CTNNA3: variants seen among roughly 807,000 people sequenced by gnomAD.
CTNNA3 encodes the protein catenin alpha 3.
Under a neutral mutation model 95.7 loss-of-function variants are expected in CTNNA3, and 76 were observed. The ratio of observed to expected loss-of-function variants is 0.79; its 90% CI spans 0.66 to 0.96. The LOEUF is 0.96. Ranked by LOEUF, CTNNA3 falls within the 40% of genes least tolerant of loss-of-function variation. CTNNA3 has a pLI of 0.00. For missense variants in CTNNA3, 1,191 were observed against 1,089.8 expected, an observed-to-expected ratio of 1.09 and a Z score of -1.31; for synonymous variants, 431 against 374.4, an observed-to-expected ratio of 1.15 and a Z score of -1.74.
At chr10:66,825,867 T>C (rs1263008892) in intron 7 of CTNNA3, among the ~76,000 whole-genome samples, 1 of 152,162 alleles carries the variant, frequency 6.6e-6, no homozygotes, top group Non-Finnish European at 1.5e-5. Flanking sequence ...CCAGATTGAA[T>C]TCAAGCTCCC....
At chr10:67,736,846 G>A (rs1390886118) in intron 1 of CTNNA3, among the ~76,000 whole-genome samples, 1 of 152,086 alleles carries the variant, frequency 6.6e-6, no homozygotes, top group Non-Finnish European at 1.5e-5. Flanking sequence ...AACTGCTACA[G>A]AATACACATT....
At chr10:66,259,739 A>G (rs1330457203) in intron 13 of CTNNA3, among the ~76,000 whole-genome samples, 2 of 152,134 alleles carry the variant, frequency 1.3e-5, no homozygotes, top group South Asian at 2.1e-4. Context: ...GTGCCTCACT[A>G]TATTGACTAT....
chr10:67,649,258 A>T (rs1481563256), intron 1 of CTNNA3, among the ~76,000 whole-genome samples: 1 of 152,240 alleles, frequency 6.6e-6, no homozygotes, highest in Admixed American at 6.5e-5. Context: ...GCCTTTAAAA[A>T]CATGTCATTT....
intron 16 of CTNNA3, among the ~76,000 whole-genome samples, chr10:65,985,585 G>T (rs1256703150): frequency 6.6e-6 from 1 of 150,916 alleles, no homozygotes; most frequent in African/African-American, 2.4e-5. Context: ...ACTTTTCTTT[G>T]AATTTTAAAT....
At chr10:65,957,697 T>C (rs1025941470) in intron 17 of CTNNA3, among the ~76,000 whole-genome samples, 8 of 152,212 alleles carry the variant, frequency 5.3e-5, no homozygotes, top group African/African-American at 1.9e-4. Flanking sequence ...TTCTTTTCTT[T>C]AAGAATGTTG....
intron 7 of CTNNA3, among the ~76,000 whole-genome samples, chr10:67,012,103 C>G (rs1852375274): frequency 6.6e-6 from 1 of 152,226 alleles, no homozygotes; most frequent in African/African-American, 2.4e-5. Flanking sequence ...AAACACAACT[C>G]TCTCTGGCTC....
chr10:67,705,640 AG>A (rs755025152), intron 1 of CTNNA3, among the ~76,000 whole-genome samples: 24 of 71,534 alleles, frequency 3.4e-4, no homozygotes, highest in Non-Finnish European at 5.4e-4. Flanking sequence ...GGGTGGGGGG[AG>A]GGGGGAGGGA....
At chr10:67,533,639 C>G (rs1840404544) in intron 4 of CTNNA3, among the ~76,000 whole-genome samples, 1 of 152,126 alleles carries the variant, frequency 6.6e-6, no homozygotes, top group Non-Finnish European at 1.5e-5. Context: ...AGTGCCATGT[C>G]AGGAATCCTT....
At chr10:67,457,139 T>TGTC (rs1429883223) in intron 5 of CTNNA3, among the ~76,000 whole-genome samples, 14 of 152,290 alleles carry the variant, frequency 9.2e-5, no homozygotes, top group African/African-American at 3.4e-4. Flanking sequence ...TTCCACTAAC[T>TGTC]GTCAGCAGCA....
chr10:66,554,050 G>A (rs1400595382), intron 10 of CTNNA3, among the ~76,000 whole-genome samples: 1 of 151,650 alleles, frequency 6.6e-6, no homozygotes, highest in African/African-American at 2.4e-5. Context: ...TTTTTCTTCT[G>A]TCTGAAAACA....
At chr10:66,135,644 C>G (rs564160502) in intron 13 of CTNNA3, among the ~76,000 whole-genome samples, 1 of 152,248 alleles carries the variant, frequency 6.6e-6, no homozygotes, top group Middle Eastern at 3.4e-3. Context: ...TGTTGAACAA[C>G]AAGGATGTTA....
chr10:67,517,722 C>G (rs1839867308), intron 5 of CTNNA3, among the ~76,000 whole-genome samples: 1 of 152,056 alleles, frequency 6.6e-6, no homozygotes, highest in Non-Finnish European at 1.5e-5. Flanking sequence ...GAGATATCAC[C>G]TTAGAAACAT....
rs116796484 is a variant in CTNNA3, at chr10:66,494,725, T to C, written c.1531+25892A>G. Among the ~76,000 whole-genome samples, 905 of 152,298 alleles carry C rather than the reference T, an allele frequency of 5.9e-3. 11 individuals carry two copies. Among genetic ancestry groups the C allele is most frequent in the African/African-American group, 0.021 (862 of 41,576 alleles). On this transcript the variant is annotated intron_variant, in intron 11 of 17. Transcript: ENST00000433211. ...ACAGAATGGAAAAGGGATCAAGCCA[T>C]TTATTTTTAAATAATTTTGATTTAG...
At chr10:66,229,030 G>C (rs1454352979) in intron 13 of CTNNA3, among the ~76,000 whole-genome samples, 1 of 152,084 alleles carries the variant, frequency 6.6e-6, no homozygotes, top group Admixed American at 6.6e-5. Context: ...TGTATTTCCA[G>C]GTAAAGTGAG....
chr10:67,080,327 G>T (rs1385131639), intron 7 of CTNNA3, among the ~76,000 whole-genome samples: 2 of 152,166 alleles, frequency 1.3e-5, no homozygotes, highest in African/African-American at 2.4e-5. Context: ...CTTTCACAGA[G>T]AATCTGCTGT....
intron 5 of CTNNA3, among the ~76,000 whole-genome samples, chr10:67,409,880 A>G (rs1191633275): frequency 6.6e-6 from 1 of 152,160 alleles, no homozygotes; most frequent in African/African-American, 2.4e-5. Context: ...GGTCGTGGAG[A>G]AAGAGGAACA....
intron 9 of CTNNA3, among the ~76,000 whole-genome samples, chr10:66,653,923 C>T (rs1280173136): frequency 6.6e-6 from 1 of 152,014 alleles, no homozygotes; most frequent in Non-Finnish European, 1.5e-5. Context: ...AAATTAGACC[C>T]TTTTCACACA....
At chr10:66,694,683 A>G (rs1361907026) in intron 9 of CTNNA3, among the ~76,000 whole-genome samples, 1 of 152,216 alleles carries the variant, frequency 6.6e-6, no homozygotes, top group African/African-American at 2.4e-5. Context: ...CAGGTAGATT[A>G]GGTGCTCGCA....
At chr10:67,376,327 G>A (rs1843688015) in intron 5 of CTNNA3, among the ~76,000 whole-genome samples, 1 of 152,192 alleles carries the variant, frequency 6.6e-6, no homozygotes. Flanking sequence ...TAAACACTTA[G>A]CTTCCTTAGA....
Sources: allele counts gnomAD v4.1 joint callset (sites outside exome capture counted in the v4.1 genomes callset), GRCh38; gene constraint gnomAD v4.1.1; transcripts MANE v1.5; gene names NCBI Gene and HGNC (gene_info 2026-07-23, HGNC 2026-07-21).